Variants in GBE1 observed in about 807,000 individuals in gnomAD.
GBE1 encodes the protein 1,4-alpha-glucan branching enzyme 1, also known as 1,4-alpha-glucan-branching enzyme.
Under a neutral mutation model 88.8 loss-of-function variants are expected in GBE1, and 70 were observed. The ratio of observed to expected loss-of-function variants is 0.79; its 90% CI spans 0.65 to 0.96. The LOEUF (loss-of-function observed/expected upper bound fraction) is 0.96. GBE1 is among the 40% of genes least tolerant of loss of function. The pLI, the probability that GBE1 is intolerant of heterozygous loss-of-function variation, is 0.00. For missense variants in GBE1, 872 were observed against 871.0 expected (o/e 1.00, Z -0.01); for synonymous variants, 284 against 300.1 (o/e 0.95, Z 0.56).
chr3:81,518,084 A>G (rs1009362865), intron 14 of GBE1, among the ~76,000 whole-genome samples: 1 of 151,410 alleles, frequency 6.6e-6, no homozygotes, highest in African/African-American at 2.4e-5. Context: ...TTGGGCACAA[A>G]TGTTCCTCCC....
At chr3:81,648,200 C>T (rs1704794094) in intron 5 of GBE1, among the ~76,000 whole-genome samples, 1 of 152,050 alleles carries the variant, frequency 6.6e-6, no homozygotes, top group African/African-American at 2.4e-5. Context: ...CTTTATCCTC[C>T]TGCCTAGTCA....
intron 7 of GBE1, among the ~76,000 whole-genome samples, chr3:81,614,762 G>A (rs1395776395): frequency 6.6e-6 from 1 of 152,312 alleles, no homozygotes; most frequent in African/African-American, 2.4e-5. Context: ...AGGAGGCTGA[G>A]GCAGGAGAAT....
intron 1 of GBE1, among the ~76,000 whole-genome samples, chr3:81,736,251 G>A (rs1706256437): frequency 6.6e-6 from 1 of 152,178 alleles, no homozygotes; most frequent in Non-Finnish European, 1.5e-5. Context: ...TATAATAAAT[G>A]TATTGTGCCA....
intron 2 of GBE1, among the ~76,000 whole-genome samples, chr3:81,704,565 A>C (rs554920307): frequency 6.6e-6 from 1 of 152,152 alleles, no homozygotes; most frequent in South Asian, 2.1e-4. Context: ...AAAACGTCAT[A>C]AAAATTGAAT....
intron 15 of GBE1, among the ~76,000 whole-genome samples, chr3:81,491,204 G>A (rs991946129): frequency 1.3e-5 from 2 of 152,118 alleles, no homozygotes; most frequent in African/African-American, 4.8e-5. Flanking sequence ...AAAAATCCCA[G>A]CTATGTGGAG....
intron 1 of GBE1, among the ~76,000 whole-genome samples, chr3:81,755,403 A>C (rs2107242093): frequency 6.6e-6 from 1 of 152,220 alleles, no homozygotes; most frequent in East Asian, 1.9e-4. Context: ...GGAAAAAAAA[A>C]CAGTATAGAA....
chr3:81,559,212 A>G (rs1337741430), intron 12 of GBE1, among the ~76,000 whole-genome samples: 3 of 152,054 alleles, frequency 2.0e-5, no homozygotes, highest in Non-Finnish European at 4.4e-5. Context: ...ATTTAGTAAA[A>G]TGCGAATGCC....
intron 1 of GBE1, among the ~76,000 whole-genome samples, chr3:81,750,655 A>ACG (rs1706510229): frequency 7.3e-5 from 4 of 54,666 alleles, no homozygotes; most frequent in South Asian, 4.2e-4. Context: ...GTATATATAT[A>ACG]TATGTATATA....
intron 7 of GBE1, 46 bp downstream of exon 7, chr3:81,642,735 G>A: frequency 8.2e-7 from 1 of 1,214,446 alleles, no homozygotes; most frequent in East Asian, 2.3e-5. Context: ...AAAAATTAAT[G>A]TTAAACAGCA....
chr3:81,626,278 ATATT>A (rs1292186967), intron 7 of GBE1, among the ~76,000 whole-genome samples: 1 of 152,208 alleles, frequency 6.6e-6, no homozygotes. Flanking sequence ...TTCAAACAGG[ATATT>A]CTTTACAAAA....
chr3:81,618,950 A>G (rs1380776286), intron 7 of GBE1, among the ~76,000 whole-genome samples: 5 of 151,858 alleles, frequency 3.3e-5, no homozygotes, highest in African/African-American at 1.2e-4. Flanking sequence ...ATACTTTTGG[A>G]AATCTTTGAA....
At chr3:81,654,307 T>TCAAC (rs1314201294) in intron 3 of GBE1, among the ~76,000 whole-genome samples, 1 of 151,608 alleles carries the variant, frequency 6.6e-6, no homozygotes, top group Non-Finnish European at 1.5e-5. Context: ...AAACAGTAAA[T>TCAAC]GTTGAAGACA....
intron 14 of GBE1, among the ~76,000 whole-genome samples, chr3:81,518,813 C>G (rs935739523): frequency 8.6e-5 from 13 of 151,434 alleles, no homozygotes; most frequent in African/African-American, 3.1e-4. Context: ...TCTCATAAAG[C>G]TCATCATCAA....
rs138274325 is a variant in GBE1 at position 81,565,520 on chromosome 3, A to G, written c.1618+12405T>C. 4.2e-3 allele frequency among the ~76,000 whole-genome samples: 633 copies of G among 152,328 alleles called. 7 individuals carry two copies. The highest frequency in any genetic ancestry group is 0.014 in the African/African-American group (575 of 41,584). On this transcript the variant is annotated intron_variant, in intron 12 of 15. Transcript: ENST00000429644. ...TAGCGATCAACAAATGCAGACTGAC[A>G]CTTAGGACAAAATCCATCCAACTTC...
At chr3:81,590,916 C>T in intron 9 of GBE1, 121 bp downstream of exon 9, 1 of 789,682 alleles carries the variant, frequency 1.3e-6, no homozygotes, top group Non-Finnish European at 1.9e-6. Context: ...GCACTATACT[C>T]AGGGTAGAAT....
In GBE1 at chr3:81,492,529, A is replaced by T. The variant is rs565543409; in HGVS notation, c.2053-2066T>A. Among the ~76,000 whole-genome samples the T allele has an allele frequency of 1.2e-4, 18 of 152,096 alleles. No individual in the cohort carries two copies. The South Asian group carries it at 3.5e-3, about 30-fold the overall frequency. ...CATTCCCTCCCTACATCTTAGCAAA[A>T]CATGTACAAATTGAGAAAGTGACCT... On this transcript the variant is annotated intron_variant, in intron 15 of 15. Transcript: ENST00000429644.
intron 6 of GBE1, among the ~76,000 whole-genome samples, chr3:81,645,439 G>A (rs186214726): frequency 7.8e-4 from 119 of 152,244 alleles, no homozygotes; most frequent in African/African-American, 2.7e-3. Context: ...GCTAAGAATT[G>A]TTCATTGTCC....
At chr3:81,624,252 T>A (rs1276188122) in intron 7 of GBE1, among the ~76,000 whole-genome samples, 1 of 152,078 alleles carries the variant, frequency 6.6e-6, no homozygotes. Context: ...TGAGAAAACA[T>A]GGGGGAAATG....
At chr3:81,509,935 G>A (rs1354003132) in intron 14 of GBE1, among the ~76,000 whole-genome samples, 1 of 151,834 alleles carries the variant, frequency 6.6e-6, no homozygotes, top group East Asian at 1.9e-4. Flanking sequence ...TATAATAAAT[G>A]CATGTTAGTT....
Sources: allele counts gnomAD v4.1 joint callset (sites outside exome capture counted in the v4.1 genomes callset), GRCh38; gene constraint gnomAD v4.1.1; transcripts MANE v1.5; gene names NCBI Gene and HGNC (gene_info 2026-07-23, HGNC 2026-07-21).